Variants in CNTNAP5 observed in about 807,000 individuals in gnomAD.
CNTNAP5 encodes the protein contactin associated protein family member 5, also known as contactin-associated protein-like 5.
CNTNAP5 carries 72 observed loss-of-function variants against 150.2 expected under a neutral mutation model. That is an observed-to-expected ratio of 0.48 (90% CI 0.40 to 0.58). CNTNAP5 has a LOEUF of 0.58. Ranked by LOEUF, CNTNAP5 falls within the 20% of genes least tolerant of loss-of-function variation. The pLI, the probability that CNTNAP5 is intolerant of heterozygous loss-of-function variation, is 0.00. For missense variants in CNTNAP5, 1,636 were observed against 1,626.2 expected (o/e 1.01, Z -0.10); for synonymous variants, 672 against 619.8 (o/e 1.08, Z -1.25).
At chr2:124,631,423 C>T (rs1053359783) in intron 12 of CNTNAP5, among the ~76,000 whole-genome samples, 5 of 152,040 alleles carry the variant, frequency 3.3e-5, no homozygotes, top group South Asian at 2.1e-4. Flanking sequence ...TGAAACCATA[C>T]GTCTACAACC....
chr2:124,577,873 T>C (rs1558961583), intron 11 of CNTNAP5, among the ~76,000 whole-genome samples: 1 of 152,050 alleles, frequency 6.6e-6, no homozygotes, highest in Non-Finnish European at 1.5e-5. Context: ...CAGAGGGATA[T>C]GGACTTGAAT....
intron 11 of CNTNAP5, among the ~76,000 whole-genome samples, chr2:124,590,725 G>A (rs1194376127): frequency 6.6e-6 from 1 of 152,098 alleles, no homozygotes; most frequent in East Asian, 1.9e-4. Flanking sequence ...TAGGAACAAA[G>A]GAAGAAACAG....
At chr2:124,250,846 A>G (rs1482138842) in intron 3 of CNTNAP5, among the ~76,000 whole-genome samples, 1 of 151,680 alleles carries the variant, frequency 6.6e-6, no homozygotes, top group Non-Finnish European at 1.5e-5. Context: ...CATTGAAGTT[A>G]TTATTGCAAT....
chr2:124,757,517 A>G (rs1680864978), intron 14 of CNTNAP5, among the ~76,000 whole-genome samples: 1 of 152,196 alleles, frequency 6.6e-6, no homozygotes, highest in African/African-American at 2.4e-5. Flanking sequence ...CACAGGAGAC[A>G]TTGGTGGTTA....
chr2:124,088,393 T>C (rs1479243006), intron 1 of CNTNAP5, among the ~76,000 whole-genome samples: 1 of 152,170 alleles, frequency 6.6e-6, no homozygotes, highest in Non-Finnish European at 1.5e-5. Context: ...CATTTTATCA[T>C]GGTTGTTTTT....
intron 3 of CNTNAP5, among the ~76,000 whole-genome samples, chr2:124,394,394 G>GA (rs1558881681): frequency 6.7e-6 from 1 of 148,386 alleles, no homozygotes; most frequent in African/African-American, 2.5e-5. Context: ...AAAAAGAAAA[G>GA]AAAAAAGGTA....
chr2:124,036,942 A>G (rs1681238222), intron 1 of CNTNAP5, among the ~76,000 whole-genome samples: 1 of 152,224 alleles, frequency 6.6e-6, no homozygotes, highest in Non-Finnish European at 1.5e-5. Flanking sequence ...ACTCAACACA[A>G]AGACTTAGCT....
rs111253836 is a variant in CNTNAP5 at position 124,695,192 on chromosome 2, A to G, written c.2077+47234A>G. Among the ~76,000 whole-genome samples the G allele has an allele frequency of 1.4e-4, 21 of 152,298 alleles. 1 individual carries two copies. Among genetic ancestry groups the G allele is most frequent in the African/African-American group, 4.8e-4 (20 of 41,568 alleles). On this transcript the variant is annotated intron_variant, in intron 13 of 23. Coordinates refer to ENST00000682447, the MANE Select transcript of CNTNAP5 (RefSeq NM_001367498.1). The stretch of plus-strand genomic sequence containing the variant: ...TGGTGTGAATAATCGCACCATGGCC[A>G]ATCTTACCGTACCACCATGCAGTTC...
At chr2:124,234,987 G>A (rs1290031057) in intron 2 of CNTNAP5, among the ~76,000 whole-genome samples, 1 of 152,144 alleles carries the variant, frequency 6.6e-6, no homozygotes. Flanking sequence ...AGCAGAGACA[G>A]GACTTTTTGT....
intron 3 of CNTNAP5, among the ~76,000 whole-genome samples, chr2:124,297,342 C>T (rs1688459949): frequency 6.6e-6 from 1 of 152,188 alleles, no homozygotes; most frequent in Non-Finnish European, 1.5e-5. Flanking sequence ...GAGCCTGTCT[C>T]TCTCAATTTG....
At chr2:124,255,098 G>A (rs1687274598) in intron 3 of CNTNAP5, among the ~76,000 whole-genome samples, 1 of 152,118 alleles carries the variant, frequency 6.6e-6, no homozygotes, top group African/African-American at 2.4e-5. Flanking sequence ...AAGAGAATAG[G>A]AATAAGCAGC....
intron 19 of CNTNAP5, among the ~76,000 whole-genome samples, chr2:124,827,869 C>T (rs910215385): frequency 6.6e-6 from 1 of 152,132 alleles, no homozygotes; most frequent in East Asian, 1.9e-4. Flanking sequence ...TCCCCCACTT[C>T]CCTTGTTGTC....
At chr2:124,767,081 T>C (rs1001195903) in intron 16 of CNTNAP5, among the ~76,000 whole-genome samples, 2 of 152,300 alleles carry the variant, frequency 1.3e-5, no homozygotes, top group African/African-American at 4.8e-5. Context: ...TTTAGGCAGA[T>C]GGAATTTTTA....
At chr2:124,830,351 A>G (rs988029552) in intron 19 of CNTNAP5, among the ~76,000 whole-genome samples, 3 of 152,132 alleles carry the variant, frequency 2.0e-5, no homozygotes, top group African/African-American at 7.2e-5. Flanking sequence ...AAAACTGAAT[A>G]AAGACAACAC....
chr2:124,747,614 C>CTTTTT (rs11351693), intron 14 of CNTNAP5, among the ~76,000 whole-genome samples: 18 of 53,252 alleles, frequency 3.4e-4, no homozygotes, highest in African/African-American at 5.8e-4. Context: ...GCTGCTTCTT[C>CTTTTT]TTTTTTTTTT....
chr2:124,719,987 T>C (rs1364257383), intron 13 of CNTNAP5, among the ~76,000 whole-genome samples: 1 of 152,096 alleles, frequency 6.6e-6, no homozygotes, highest in East Asian at 1.9e-4. Flanking sequence ...AAGAAAAAAG[T>C]GTGGATAATC....
At chr2:124,364,684 G>A (rs772345732) in intron 3 of CNTNAP5, among the ~76,000 whole-genome samples, 2 of 152,192 alleles carry the variant, frequency 1.3e-5, no homozygotes, top group East Asian at 1.9e-4. Flanking sequence ...GCAAGAAAGA[G>A]ATATCATGAT....
chr2:124,279,494 T>A (rs1324777721), intron 3 of CNTNAP5, among the ~76,000 whole-genome samples: 1 of 152,104 alleles, frequency 6.6e-6, no homozygotes, highest in East Asian at 1.9e-4. Flanking sequence ...TACCAGACTC[T>A]GTGCTAAAGG....
intron 13 of CNTNAP5, among the ~76,000 whole-genome samples, chr2:124,744,778 G>A (rs1425742497): frequency 6.6e-6 from 1 of 152,110 alleles, no homozygotes; most frequent in Non-Finnish European, 1.5e-5. Flanking sequence ...CTGACTACAT[G>A]GTTAGCATCA....
Sources: allele counts gnomAD v4.1 joint callset (sites outside exome capture counted in the v4.1 genomes callset), GRCh38; gene constraint gnomAD v4.1.1; transcripts MANE v1.5; gene names NCBI Gene and HGNC (gene_info 2026-07-23, HGNC 2026-07-21).